MED12L: variants seen among roughly 807,000 people sequenced by gnomAD.
MED12L encodes mediator of RNA polymerase II transcription subunit 12-like protein.
MED12L carries 60 observed loss-of-function variants against 281.3 expected under a neutral mutation model. The ratio of observed to expected loss-of-function variants is 0.21; its 90% CI spans 0.17 to 0.26. The LOEUF is 0.26. MED12L is among the 10% of genes least tolerant of loss of function. The pLI, the probability that MED12L is intolerant of heterozygous loss-of-function variation, is 1.00. For missense variants in MED12L, 2,146 were observed against 2,680.9 expected, an observed-to-expected ratio of 0.80 and a Z score of 4.41; for synonymous variants, 974 against 987.2, an observed-to-expected ratio of 0.99 and a Z score of 0.25.
intron 43 of MED12L, among the ~76,000 whole-genome samples, chr3:151,422,805 G>T (rs1718405448): frequency 7.2e-6 from 1 of 138,400 alleles, no homozygotes; most frequent in African/African-American, 2.7e-5. Context: ...AAGGCAGTAG[G>T]ATTTGATTCA....
At chr3:151,232,130 G>C (rs1157120948) in intron 16 of MED12L, among the ~76,000 whole-genome samples, 1 of 152,006 alleles carries the variant, frequency 6.6e-6, no homozygotes, top group African/African-American at 2.4e-5. Flanking sequence ...CTTTCCTGTG[G>C]GGTCTCCTCT....
At chr3:151,186,110 C>G (rs889905771) in intron 12 of MED12L, among the ~76,000 whole-genome samples, 2 of 152,120 alleles carry the variant, frequency 1.3e-5, no homozygotes, top group African/African-American at 4.8e-5. Flanking sequence ...ATTCTGGCCC[C>G]AGAGAGAGCA....
Position 151,188,335 on chromosome 3 carries a change from A to T in MED12L, c.1627-19A>T, listed in dbSNP as rs760314849. On this transcript the variant is annotated intron_variant, in intron 12 of 44. Transcript: ENST00000687756. ...CTATACTTCTGTAATTAACTTTGTT[A>T]TTTATTTTTAATCTGTAGAGATGTG... The T allele has an allele frequency of 2.5e-6, 4 of 1,577,028 alleles. No homozygotes were observed. The highest frequency in any genetic ancestry group is 3.5e-6 in the Non-Finnish European group (4 of 1,151,020).
At chr3:151,090,599 TC>T (rs1221192069) in intron 2 of MED12L, among the ~76,000 whole-genome samples, 6 of 152,116 alleles carry the variant, frequency 3.9e-5, no homozygotes, top group Non-Finnish European at 8.8e-5. Context: ...AAAAGGGAAA[TC>T]CGGTGACTGA....
intron 8 of MED12L, among the ~76,000 whole-genome samples, chr3:151,161,731 A>G (rs1720014915): frequency 6.6e-6 from 1 of 152,208 alleles, no homozygotes; most frequent in African/African-American, 2.4e-5. Context: ...ATTACAGAGC[A>G]AGAAAGTGGC....
chr3:151,136,737 A>G (rs1473042700), intron 5 of MED12L, among the ~76,000 whole-genome samples: 1 of 152,234 alleles, frequency 6.6e-6, no homozygotes, highest in Non-Finnish European at 1.5e-5. Flanking sequence ...GCTTTCTCTC[A>G]TGTGATAAAT....
intron 16 of MED12L, chr3:151,328,133 G>A (rs1183735382): frequency 6.2e-7 from 1 of 1,612,706 alleles, no homozygotes; most frequent in Non-Finnish European, 8.5e-7. Context: ...ACAAATGTTA[G>A]TTGCTGCCAA....
chr3:151,143,640 G>T (rs571750066), intron 5 of MED12L, among the ~76,000 whole-genome samples: 37 of 152,264 alleles, frequency 2.4e-4, no homozygotes, highest in African/African-American at 8.7e-4. Flanking sequence ...AGGAGGGTGG[G>T]TGCCTTCCCT....
In MED12L at chr3:151,362,402, A is replaced by G. The variant is rs192597206; in HGVS notation, c.2957+1797A>G. On this transcript the variant is annotated intron_variant, in intron 21 of 44. Coordinates refer to ENST00000687756, the MANE Select transcript of MED12L (RefSeq NM_001393769.1). ...GCCACACAGACCTCTTTACTGATCA[A>G]ACACTCTAAGAACAACCCACAGTAG... is the stretch of plus-strand genomic sequence containing the variant. Among the ~76,000 whole-genome samples the G allele has an allele frequency of 5.5e-3, 833 of 152,090 alleles. 5 individuals are homozygous for G. The highest frequency in any genetic ancestry group is 0.019 in the African/African-American group (803 of 41,490).
chr3:151,275,106 T>A (rs1447793054), intron 16 of MED12L, among the ~76,000 whole-genome samples: 4 of 152,078 alleles, frequency 2.6e-5, no homozygotes, highest in African/African-American at 9.7e-5. Context: ...GGTGGCACAT[T>A]TCCCATCTGC....
intron 11 of MED12L, among the ~76,000 whole-genome samples, chr3:151,180,110 T>TA (rs1340573667): frequency 7.2e-5 from 11 of 152,360 alleles, no homozygotes; most frequent in African/African-American, 2.6e-4. Flanking sequence ...GCATAATTGA[T>TA]AAAAGGACAA....
intron 2 of MED12L, among the ~76,000 whole-genome samples, chr3:151,115,352 TTTTTTTTTTTTTTTG>T: frequency 1.1e-5 from 1 of 91,150 alleles, no homozygotes; most frequent in Non-Finnish European, 2.3e-5. Flanking sequence ...TTTTTTTTTT[TTTTTTTTTTTTTTTG>T]AGATGGAGTC....
At chr3:151,431,110 T>G (rs1416171271) in intron 44 of MED12L, among the ~76,000 whole-genome samples, 1 of 152,182 alleles carries the variant, frequency 6.6e-6, no homozygotes, top group African/African-American at 2.4e-5. Context: ...CTCCCTGTGA[T>G]GCAAAGAATA....
Position 151,322,224 on chromosome 3 carries a change from C to CA in MED12L, c.2251-27834dup, listed in dbSNP as rs1749077262. Among the ~76,000 whole-genome samples, 3 of 152,310 alleles carry CA rather than the reference C, an allele frequency of 2.0e-5. No homozygotes were observed. In the East Asian group the frequency reaches 5.8e-4, roughly 29 times the overall value. On this transcript the variant is annotated intron_variant, in intron 16 of 44. Coordinates refer to ENST00000687756, the MANE Select transcript of MED12L (RefSeq NM_001393769.1). ...CTTTTGAGGCAGGGTCTTGCTCTGTCATCCAGGCTGGAGTGCAGTGGTGTG... is the reference window on the plus strand; with the variant it reads ...CTTTTGAGGCAGGGTCTTGCTCTGTCAATCCAGGCTGGAGTGCAGTGGTGTG...
chr3:151,338,748 G>C, intron 16 of MED12L: 1 of 1,613,912 alleles, frequency 6.2e-7, no homozygotes, highest in South Asian at 1.1e-5. Context: ...AAACAGGACA[G>C]TGTAGAGCAG....
chr3:151,423,792 G>A (rs1211197783), intron 43 of MED12L, among the ~76,000 whole-genome samples: 1 of 151,996 alleles, frequency 6.6e-6, no homozygotes, highest in African/African-American at 2.4e-5. Flanking sequence ...ACACCATCCC[G>A]CTGCATCATT....
intron 16 of MED12L, among the ~76,000 whole-genome samples, chr3:151,219,254 G>T (rs1728851840): frequency 6.6e-6 from 1 of 152,158 alleles, no homozygotes; most frequent in Admixed American, 6.5e-5. Flanking sequence ...TAACCTCAGG[G>T]TTCTCTCTTT....
chr3:151,354,068 G>C (rs1178659960), intron 17 of MED12L, among the ~76,000 whole-genome samples: 1 of 147,348 alleles, frequency 6.8e-6, no homozygotes, highest in Non-Finnish European at 1.5e-5. Flanking sequence ...GTGAACCCGG[G>C]AGGCGGAGCT....
At chr3:151,211,594 A>G (rs541123401) in intron 16 of MED12L, among the ~76,000 whole-genome samples, 35 of 152,154 alleles carry the variant, frequency 2.3e-4, no homozygotes, top group African/African-American at 7.0e-4. Flanking sequence ...AATTTAGGGT[A>G]TTTTTTTCTG....
Sources: allele counts gnomAD v4.1 joint callset (sites outside exome capture counted in the v4.1 genomes callset), GRCh38; gene constraint gnomAD v4.1.1; transcripts MANE v1.5; gene names NCBI Gene and HGNC (gene_info 2026-07-23, HGNC 2026-07-21).